The following ALK variants were observed in gnomAD, a reference collection of about 807,000 sequenced individuals.
The protein encoded by ALK is ALK receptor tyrosine kinase.
ALK carries 74 observed loss-of-function variants against 163.1 expected under a neutral mutation model. The ratio of observed to expected loss-of-function variants is 0.45; its 90% CI spans 0.38 to 0.55. ALK has a LOEUF of 0.55. Ranked by LOEUF, ALK falls within the 20% of genes least tolerant of loss-of-function variation. The pLI is 0.00. For synonymous variants in ALK, 960 were observed against 843.2 expected (o/e 1.14, Z -2.40); for missense variants, 2,063 against 2,105.3 (o/e 0.98, Z 0.39).
rs147225235 is a variant in ALK, at chr2:29,683,626, G to A, written c.952+11224C>T. ...TTGCTGCACTTCCATTTGTAAATGT[G>A]CATGATTACTGCCTCAGGTGAGGGC... is the stretch of plus-strand genomic sequence containing the variant. On this transcript the variant is annotated intron_variant, in intron 3 of 28. Coordinates refer to ENST00000389048, the MANE Select transcript of ALK (RefSeq NM_004304.5). Among the ~76,000 whole-genome samples the A allele has an allele frequency of 3.9e-5, 6 of 152,272 alleles. No individual in the cohort carries two copies. In the East Asian group the frequency reaches 1.2e-3, roughly 29 times the overall value.
At chr2:29,797,372 C>T (rs960453682) in intron 1 of ALK, among the ~76,000 whole-genome samples, 5 of 152,200 alleles carry the variant, frequency 3.3e-5, no homozygotes, top group African/African-American at 1.2e-4. Flanking sequence ...TTTTCAAATG[C>T]TTCTCCTTGA....
intron 3 of ALK, among the ~76,000 whole-genome samples, chr2:29,688,690 G>A (rs1678306719): frequency 6.6e-6 from 1 of 152,188 alleles, no homozygotes; most frequent in Admixed American, 6.5e-5. Flanking sequence ...TTCTGCCCAT[G>A]AGTGTGTGTC....
intron 3 of ALK, among the ~76,000 whole-genome samples, chr2:29,679,122 T>C (rs1377984301): frequency 1.3e-5 from 2 of 151,946 alleles, no homozygotes; most frequent in Admixed American, 1.3e-4. Flanking sequence ...TTATAAAATA[T>C]ACTGTTTAGT....
chr2:29,499,688 C>T (rs189755470), intron 4 of ALK, among the ~76,000 whole-genome samples: 3 of 151,922 alleles, frequency 2.0e-5, no homozygotes, highest in African/African-American at 4.8e-5. Flanking sequence ...CCTCTTCCAA[C>T]CCTCATTTCT....
rs141910390 is a variant in ALK, at chr2:29,578,566, G to C, written c.953-46450C>G. 8.7e-3 allele frequency among the ~76,000 whole-genome samples: 1,322 copies of C among 152,314 alleles called. 12 individuals carry two copies. Among genetic ancestry groups the C allele is most frequent in the Non-Finnish European group, 0.011 (749 of 68,026 alleles). On this transcript the variant is annotated intron_variant, in intron 3 of 28. Transcript: ENST00000389048. ...GAGGAGGGCCCTCAGGGCCTGTTTGGGGGTAGGGGGGCTCCCATGTGAAGG... is the reference window on the plus strand; with the variant it reads ...GAGGAGGGCCCTCAGGGCCTGTTTGCGGGTAGGGGGGCTCCCATGTGAAGG...
intron 9 of ALK, among the ~76,000 whole-genome samples, chr2:29,293,358 A>C (rs1003667268): frequency 7.2e-5 from 11 of 152,216 alleles, no homozygotes; most frequent in Admixed American, 2.0e-4. Flanking sequence ...TAAGTATGGT[A>C]CTAAAGATTC....
intron 1 of ALK, among the ~76,000 whole-genome samples, chr2:29,739,547 G>C (rs937440955): frequency 1.4e-5 from 2 of 143,962 alleles, no homozygotes; most frequent in African/African-American, 5.2e-5. Flanking sequence ...GACAGTGCGT[G>C]AATCTGTCTC....
intron 5 of ALK, among the ~76,000 whole-genome samples, chr2:29,381,355 C>T (rs1558299435): frequency 6.6e-6 from 1 of 152,248 alleles, no homozygotes; most frequent in Non-Finnish European, 1.5e-5. Flanking sequence ...GAACTGAGCA[C>T]CTACCTAGTG....
intron 4 of ALK, among the ~76,000 whole-genome samples, chr2:29,512,505 A>C (rs997609335): frequency 6.7e-6 from 1 of 149,050 alleles, no homozygotes; most frequent in African/African-American, 2.5e-5. Flanking sequence ...TCTCAAAATA[A>C]TAAGAGCTAT....
At chr2:29,808,634 T>C (rs1664677014) in intron 1 of ALK, among the ~76,000 whole-genome samples, 1 of 152,192 alleles carries the variant, frequency 6.6e-6, no homozygotes, top group South Asian at 2.1e-4. Flanking sequence ...AAATCCCTGC[T>C]GCTCTGAATG....
chr2:29,831,034 G>GGGA (rs1665379735), intron 1 of ALK, among the ~76,000 whole-genome samples: 1 of 61,690 alleles, frequency 1.6e-5, no homozygotes, highest in Admixed American at 2.5e-4. Flanking sequence ...GGGGAAGGAG[G>GGGA]AGGAGGAGGA....
At chr2:29,336,359 C>T (rs1299617200) in intron 5 of ALK, among the ~76,000 whole-genome samples, 2 of 152,180 alleles carry the variant, frequency 1.3e-5, no homozygotes, top group Non-Finnish European at 2.9e-5. Context: ...TTCTCCCTTC[C>T]AGGGCATCTT....
intron 4 of ALK, among the ~76,000 whole-genome samples, chr2:29,426,276 G>A (rs1459432643): frequency 2.0e-5 from 3 of 152,114 alleles, no homozygotes; most frequent in African/African-American, 4.8e-5. Context: ...AGCCAAATAA[G>A]GCCACATTTA....
chr2:29,350,841 T>C (rs1668091706), intron 5 of ALK, among the ~76,000 whole-genome samples: 1 of 152,234 alleles, frequency 6.6e-6, no homozygotes, highest in Non-Finnish European at 1.5e-5. Flanking sequence ...AAATTTGAAC[T>C]ATAGCTTGCC....
intron 3 of ALK, among the ~76,000 whole-genome samples, chr2:29,570,263 C>A (rs4233745): frequency 6.6e-6 from 1 of 152,016 alleles, no homozygotes. Flanking sequence ...GAAATAGGAG[C>A]GATCAATGCT....
chr2:29,465,611 T>G (rs1213434548), intron 4 of ALK, among the ~76,000 whole-genome samples: 1 of 152,128 alleles, frequency 6.6e-6, no homozygotes, highest in African/African-American at 2.4e-5. Flanking sequence ...TGAAAATCAC[T>G]TGAACCTGGG....
At chr2:29,727,816 T>C (rs552307354) in intron 1 of ALK, among the ~76,000 whole-genome samples, 1 of 152,114 alleles carries the variant, frequency 6.6e-6, no homozygotes, top group African/African-American at 2.4e-5. Context: ...TTGTTAACAA[T>C]GGTGATCAAT....
At position 29,763,086 on chromosome 2, in the gene ALK, CAA is replaced by C. The variant is rs1034835014; in HGVS notation, c.668-45391_668-45390del. Reference sequence around the variant, plus strand: ...TAGGCGACAGAGTGAGACTCCATCTCAAAAAAAAAAAAAAAAAAAAAATAGGA... The same window carrying C: ...TAGGCGACAGAGTGAGACTCCATCTCAAAAAAAAAAAAAAAAAAAATAGGA... On this transcript the variant is annotated intron_variant, in intron 1 of 28. Coordinates refer to ENST00000389048, the MANE Select transcript of ALK (RefSeq NM_004304.5). Among the ~76,000 whole-genome samples, 523 of 53,062 alleles carry C rather than the reference CAA, an allele frequency of 9.9e-3. 1 individual carries two copies. The highest frequency in any genetic ancestry group is 0.031 in the African/African-American group (472 of 15,414). 34.8% of individuals were successfully genotyped at this position (53,062 alleles called of 152,430 possible). A position where few individuals can be genotyped will look rare whatever the true frequency, so the allele number is the denominator to read the frequency against.
chr2:29,548,932 C>T (rs1251124644), intron 3 of ALK, among the ~76,000 whole-genome samples: 2 of 152,038 alleles, frequency 1.3e-5, no homozygotes, highest in Non-Finnish European at 2.9e-5. Flanking sequence ...AGTTTGGACT[C>T]TTAAGATCAG....
Sources: gnomAD v4.1 joint callset for allele counts (sites outside exome capture counted in the v4.1 genomes callset) on GRCh38, gnomAD v4.1.1 for gene constraint, MANE v1.5 for transcripts, NCBI Gene and HGNC (gene_info 2026-07-23, HGNC 2026-07-21) for gene names.